Variants in CLIC4 observed in about 807,000 individuals in gnomAD.
CLIC4 encodes CLIC family member 4, also known as chloride intracellular channel protein 4.
A neutral mutation model predicts 24.6 loss-of-function variants in CLIC4; 13 were observed. That is an observed-to-expected ratio of 0.53 (90% confidence interval 0.34 to 0.84). The LOEUF (loss-of-function observed/expected upper bound fraction) is 0.84. Ranked by LOEUF, CLIC4 falls within the 40% of genes least tolerant of loss-of-function variation. CLIC4 has a pLI of 0.01. For synonymous variants in CLIC4, 104 were observed against 111.3 expected (o/e 0.93, Z 0.41); for missense variants, 227 against 301.7 (o/e 0.75, Z 1.83).
chr1:24,786,165 C>G (rs1639265286), intron 1 of CLIC4, among the ~76,000 whole-genome samples: 1 of 152,104 alleles, frequency 6.6e-6, no homozygotes, highest in African/African-American at 2.4e-5. Context: ...TTCTCTCTTC[C>G]CCTAGTCATC....
At chr1:24,816,583 T>C (rs760953654) in intron 3 of CLIC4, among the ~76,000 whole-genome samples, 3 of 152,136 alleles carry the variant, frequency 2.0e-5, no homozygotes, top group Non-Finnish European at 4.4e-5. Flanking sequence ...GGTAAATCTT[T>C]TCCAGGTCAC....
intron 1 of CLIC4, 127 bp from the exon 2 acceptor site, chr1:24,797,615 C>A: frequency 1.6e-5 from 8 of 487,052 alleles, no homozygotes; most frequent in Admixed American, 4.1e-5. Flanking sequence ...ACCCAAATTT[C>A]TACTCTTCCT....
chr1:24,804,267 C>T (rs1639521594), intron 2 of CLIC4, among the ~76,000 whole-genome samples: 1 of 151,702 alleles, frequency 6.6e-6, no homozygotes, highest in East Asian at 1.9e-4. Flanking sequence ...TTGACTTGAG[C>T]TACATGAAGC....
chr1:24,776,577 TAC>T (rs1413336789), intron 1 of CLIC4, among the ~76,000 whole-genome samples: 28 of 152,350 alleles, frequency 1.8e-4, no homozygotes, highest in African/African-American at 6.3e-4. Flanking sequence ...GCAAAAATAA[TAC>T]AGAGTTCTGA....
chr1:24,755,217 CG>C (rs1393240167), intron 1 of CLIC4, among the ~76,000 whole-genome samples: 1 of 151,800 alleles, frequency 6.6e-6, no homozygotes, highest in Non-Finnish European at 1.5e-5. Context: ...CTGCCCGCCT[CG>C]GCCTCCCAAA....
intron 1 of CLIC4, among the ~76,000 whole-genome samples, chr1:24,792,865 C>T (rs535490454): frequency 3.3e-5 from 5 of 152,256 alleles, no homozygotes; most frequent in Admixed American, 2.0e-4. Flanking sequence ...TGAACTGTTC[C>T]GTATTCTGAG....
intron 1 of CLIC4, among the ~76,000 whole-genome samples, chr1:24,785,854 C>CAAAAAAAAAAAAAAAAAAAAAA (rs61009244): frequency 4.6e-4 from 27 of 58,840 alleles, no homozygotes; most frequent in East Asian, 2.0e-3. Context: ...GACTACAACT[C>CAAAAAAAAAAAAAAAAAAAAAA]AAAAAAAAAA....
chr1:24,763,674 CTCT>C (rs1361715500), intron 1 of CLIC4, among the ~76,000 whole-genome samples: 5 of 151,770 alleles, frequency 3.3e-5, no homozygotes, highest in African/African-American at 1.2e-4. Context: ...CTAAATTGAA[CTCT>C]TCTTTGTTTC....
rs950079280 is a variant in CLIC4, at chr1:24,762,349, A to G, written c.72+16724A>G. On this transcript the variant is annotated intron_variant, in intron 1 of 5. Transcript: ENST00000374379. ...GAGGCAGGAAGGTTCACTTGAACCC[A>G]GGAGTTAGAGGCTACGGTGAGATAT... is the stretch of plus-strand genomic sequence containing the variant. Among the ~76,000 whole-genome samples the G allele has an allele frequency of 2.0e-5, 3 of 152,330 alleles. No individual in the cohort carries two copies. In the East Asian group the frequency reaches 5.8e-4, roughly 29 times the overall value.
Position 24,820,267 on chromosome 1 carries a change from C to CTTTTTTTT in CLIC4, c.308+6066_308+6073dup, listed in dbSNP as rs372726009. 2.0e-4 allele frequency among the ~76,000 whole-genome samples: 10 copies of CTTTTTTTT among 49,772 alleles called. 1 individual carries two copies. Among genetic ancestry groups the CTTTTTTTT allele is most frequent in the African/African-American group, 2.7e-4 (3 of 11,112 alleles). 32.7% of individuals were successfully genotyped at this position (49,772 alleles called of 152,430 possible). A position where few individuals can be genotyped will look rare whatever the true frequency, so the allele number is the denominator to read the frequency against. The stretch of plus-strand genomic sequence containing the variant: ...TCCCACTTCTAGGTCCCTTTTTGGT[C>CTTTTTTTT]TTTTTTTTTTTTTTTTTTTTTTTTT... On this transcript the variant is annotated intron_variant, in intron 3 of 5. Coordinates refer to ENST00000374379, the MANE Select transcript of CLIC4 (RefSeq NM_013943.3).
At chr1:24,828,644 A>G (rs1420633075) in intron 4 of CLIC4, among the ~76,000 whole-genome samples, 1 of 129,912 alleles carries the variant, frequency 7.7e-6, no homozygotes, top group African/African-American at 2.9e-5. Flanking sequence ...GGGAGGAGAA[A>G]GGAATAAAAT....
At position 24,791,666 on chromosome 1, in the gene CLIC4, A is replaced by G. The variant is rs1025910322; in HGVS notation, c.73-6076A>G. Among the ~76,000 whole-genome samples the G allele has an allele frequency of 3.3e-5, 5 of 152,258 alleles. No homozygotes were observed. The South Asian group carries it at 6.2e-4, about 19-fold the overall frequency. ...CGAGGCGGGTGGATCACCTGAGGTC[A>G]GGAGTTCGAGACCAGCCTGACCGAC... On this transcript the variant is annotated intron_variant, in intron 1 of 5. Coordinates refer to ENST00000374379, the MANE Select transcript of CLIC4 (RefSeq NM_013943.3).
Position 24,827,196 on chromosome 1 carries a change from A to C in CLIC4, c.415+80A>C, listed in dbSNP as rs1639795532. On this transcript the variant is annotated intron_variant, in intron 4 of 5. Coordinates refer to ENST00000374379, the MANE Select transcript of CLIC4 (RefSeq NM_013943.3). ...GGCTGTTATTATGACAGTGATTATA[A>C]ATGAGTACTTTAGAGTCCAGCCATT... 3 of 898,512 alleles carry C rather than the reference A, an allele frequency of 3.3e-6. No individual in the cohort carries two copies. In the Admixed American group the frequency reaches 6.7e-5, roughly 20 times the overall value. 55.7% of individuals were successfully genotyped at this position (898,512 alleles called of 1,614,324 possible).
chr1:24,836,292 T>C (rs1041495103), intron 4 of CLIC4, among the ~76,000 whole-genome samples: 12 of 152,180 alleles, frequency 7.9e-5, no homozygotes. Flanking sequence ...ACCCCCTTAG[T>C]AACTGTTAGA....
At chr1:24,745,695 C>T in intron 1 of CLIC4, 70 bp downstream of exon 1, 1 of 1,345,236 alleles carries the variant, frequency 7.4e-7, no homozygotes, top group Non-Finnish European at 1.0e-6. Flanking sequence ...GAGCGGCGTC[C>T]CGGGGCTCTC....
At chr1:24,824,996 T>TCACA (rs3220273) in intron 3 of CLIC4, among the ~76,000 whole-genome samples, 19,670 of 133,672 alleles carry the variant, frequency 0.15, 1,534 homozygotes, top group East Asian at 0.24. Flanking sequence ...GGAGACCCTG[T>TCACA]CACACACACA....
chr1:24,820,883 A>T (rs983931925), intron 3 of CLIC4, among the ~76,000 whole-genome samples: 12 of 152,198 alleles, frequency 7.9e-5, no homozygotes, highest in Admixed American at 7.9e-4. Context: ...TTCAGCAACA[A>T]CAACAATGAA....
In CLIC4 at chr1:24,801,317, A is replaced by G. The variant is rs577183903; in HGVS notation, c.182+3466A>G. On this transcript the variant is annotated intron_variant, in intron 2 of 5. Transcript: ENST00000374379. ...TCTGGGGAGGCCTCAGGAGACTTACAAGTATGATAGAAGTCAAAGGGGAAG... is the reference window on the plus strand; with the variant it reads ...TCTGGGGAGGCCTCAGGAGACTTACGAGTATGATAGAAGTCAAAGGGGAAG... Among the ~76,000 whole-genome samples the G allele has an allele frequency of 4.6e-5, 7 of 152,314 alleles. No individual in the cohort carries two copies. In the East Asian group the frequency reaches 1.2e-3, roughly 25 times the overall value.
chr1:24,757,618 T>C (rs891809558), intron 1 of CLIC4, among the ~76,000 whole-genome samples: 9 of 151,924 alleles, frequency 5.9e-5, no homozygotes, highest in African/African-American at 1.9e-4. Flanking sequence ...TTGTGCTACC[T>C]AGGAAAACAG....
Sources: gnomAD v4.1 joint callset for allele counts (sites outside exome capture counted in the v4.1 genomes callset) on GRCh38, gnomAD v4.1.1 for gene constraint, MANE v1.5 for transcripts, NCBI Gene and HGNC (gene_info 2026-07-23, HGNC 2026-07-21) for gene names.